Variants in CDRT4 observed in about 807,000 individuals in gnomAD.
The protein encoded by CDRT4 is CMT1A duplicated region transcript 4.
For synonymous variants in CDRT4, 64 were observed against 69.6 expected (o/e 0.92, Z 0.40); for missense variants, 167 against 193.1 (o/e 0.87, Z 0.80).
At chr17:15,445,841 T>C (rs1025288549) in intron 2 of CDRT4, among the ~76,000 whole-genome samples, 3 of 152,212 alleles carry the variant, frequency 2.0e-5, no homozygotes, top group Admixed American at 1.3e-4. Flanking sequence ...CTTTTCTTCC[T>C]GAGCCATCCC....
intron 2 of CDRT4, among the ~76,000 whole-genome samples, chr17:15,451,608 C>A (rs1187127109): frequency 1.3e-5 from 2 of 152,176 alleles, no homozygotes; most frequent in East Asian, 1.9e-4. Flanking sequence ...ACTGGCCTTG[C>A]CTCTCTTCTT....
intron 1 of CDRT4, among the ~76,000 whole-genome samples, chr17:15,462,315 C>T (rs1979789452): frequency 6.6e-6 from 1 of 150,646 alleles, no homozygotes. Flanking sequence ...GTAGTCCCAG[C>T]TACTCGGGAG....
At position 15,450,858 on chromosome 17, in the gene CDRT4, T is replaced by C. The variant is rs1208370393; in HGVS notation, c.-48+2146A>G. Reference sequence around the variant, plus strand: ...TTCATCGAATTGCCCAGTTCAAACATCTAACATCTCTTTCTTCTTCATTCA... The same window carrying C: ...TTCATCGAATTGCCCAGTTCAAACACCTAACATCTCTTTCTTCTTCATTCA... On this transcript the variant is annotated intron_variant, in intron 2 of 3. Coordinates refer to ENST00000619038, the MANE Select transcript of CDRT4 (RefSeq NM_001204477.2). This position sits in a 1 kb window ranked among gnomAD's most constrained non-coding sequence, Gnocchi z 4.2. 6.6e-6 allele frequency among the ~76,000 whole-genome samples: 1 copy of C among 152,146 alleles called. No individual in the cohort carries two copies. The highest frequency in any genetic ancestry group is 1.5e-5 in the Non-Finnish European group (1 of 68,018).
At chr17:15,443,953 C>A in intron 2 of CDRT4, 2 of 679,990 alleles carry the variant, frequency 2.9e-6, no homozygotes, top group South Asian at 1.4e-5. Context: ...GAGAATGGGT[C>A]TCCTGTCGAA....
chr17:15,454,630 G>A (rs963355969), intron 1 of CDRT4, among the ~76,000 whole-genome samples: 2 of 152,176 alleles, frequency 1.3e-5, no homozygotes, highest in African/African-American at 4.8e-5. Context: ...CAGCCCTGGT[G>A]TAGAATGACT....
At chr17:15,453,417 T>C (rs3803841) in intron 1 of CDRT4, among the ~76,000 whole-genome samples, 6,528 of 152,268 alleles carry the variant, frequency 0.043, 334 homozygotes, top group South Asian at 0.24. Context: ...GAAGTTTTTG[T>C]TGAGTCAGAA....
rs533638796 is a variant in CDRT4, at chr17:15,464,944, C to T, written c.-130+2516G>A. ...TGCAAGTGGGTGCAACACACACACA[C>T]ACCAACACACAGACACACACACCAA... On this transcript the variant is annotated intron_variant, in intron 1 of 3. Transcript: ENST00000619038. The surrounding 1 kb of genome is among the most constrained non-coding windows in gnomAD (Gnocchi z 4.5). 2.6e-5 allele frequency among the ~76,000 whole-genome samples: 4 copies of T among 152,118 alleles called. No individual in the cohort carries two copies. In the South Asian group the frequency reaches 6.2e-4, roughly 24 times the overall value.
rs968408750 is a variant in CDRT4, at chr17:15,467,498, T to C, written c.-168A>G. 1.3e-5 allele frequency: 2 copies of C among 152,412 alleles called. No homozygotes were observed. The highest frequency in any genetic ancestry group is 1.3e-4 in the Admixed American group (2 of 15,284). 9.4% of individuals were successfully genotyped at this position (152,412 alleles called of 1,614,324 possible). A position where few individuals can be genotyped will look rare whatever the true frequency, so the allele number is the denominator to read the frequency against. Reference sequence around the variant, plus strand: ...GTGATTCCCCATCCTTCCTGCACTATCTTGGCTGTTCCCCTGCCCGGCGTT... The same window carrying C: ...GTGATTCCCCATCCTTCCTGCACTACCTTGGCTGTTCCCCTGCCCGGCGTT... On this transcript the variant is annotated 5_prime_UTR_variant, in exon 1 of 4. Coordinates refer to ENST00000619038, the MANE Select transcript of CDRT4 (RefSeq NM_001204477.2).
At chr17:15,449,289 T>G (rs1022184536) in intron 2 of CDRT4, among the ~76,000 whole-genome samples, 1 of 152,236 alleles carries the variant, frequency 6.6e-6, no homozygotes, top group Non-Finnish European at 1.5e-5. Context: ...AAAACCCATA[T>G]GCATTAGGTA....
At chr17:15,444,125 A>C (rs1478952308) in intron 2 of CDRT4, 6 of 1,280,642 alleles carry the variant, frequency 4.7e-6, no homozygotes, top group Non-Finnish European at 6.7e-6. Context: ...AAAACAAGGC[A>C]ATCAGGAAAT....
intron 2 of CDRT4, chr17:15,444,161 A>C: frequency 8.2e-7 from 1 of 1,219,178 alleles, no homozygotes; most frequent in Non-Finnish European, 1.2e-6. Flanking sequence ...ATGTCTCTGA[A>C]AAAGGAACTG....
chr17:15,454,787 T>C (rs1043303274), intron 1 of CDRT4, among the ~76,000 whole-genome samples: 2 of 152,150 alleles, frequency 1.3e-5, no homozygotes, highest in Admixed American at 6.5e-5. Flanking sequence ...CACCTTCACC[T>C]CGGTATGTCC....
intron 2 of CDRT4, chr17:15,444,337 A>G: frequency 2.3e-6 from 1 of 442,804 alleles, no homozygotes. Flanking sequence ...AGTGGTCCCC[A>G]AACTTTGCAG....
At position 15,442,593 on chromosome 17, in the gene CDRT4, C is replaced by A. The variant is rs115144233; in HGVS notation, c.-47-2308G>T. 3.9e-3 allele frequency among the ~76,000 whole-genome samples: 589 copies of A among 152,280 alleles called. 2 individuals are homozygous for A. Among genetic ancestry groups the A allele is most frequent in the African/African-American group, 0.014 (572 of 41,556 alleles). ...GAAGCCTCAGGAAAGCCCAGTCTTA[C>A]AAACATTTGTTTCCAGACTTGTGTG... On this transcript the variant is annotated intron_variant, in intron 2 of 3. Transcript: ENST00000619038.
chr17:15,452,363 C>T (rs1478542901), intron 2 of CDRT4: 2 of 152,234 alleles, frequency 1.3e-5, no homozygotes, highest in Admixed American at 6.5e-5. Flanking sequence ...AATTCAAGCA[C>T]ATGGACCCGT....
In CDRT4 at chr17:15,464,406, T is replaced by A. The variant is rs1357603238; in HGVS notation, c.-130+3054A>T. Among the ~76,000 whole-genome samples, 1 of 152,094 alleles carries A rather than the reference T, an allele frequency of 6.6e-6. No individual in the cohort carries two copies. The highest frequency in any genetic ancestry group is 2.4e-5 in the African/African-American group (1 of 41,394). On this transcript the variant is annotated intron_variant, in intron 1 of 3. Transcript: ENST00000619038. This position sits in a 1 kb window ranked among gnomAD's most constrained non-coding sequence, Gnocchi z 4.5. ...AGCACGGGTCCATGAGCATTACATA[T>A]CACCCTCACTGCAGCAGCGGCTGCC...
intron 1 of CDRT4, among the ~76,000 whole-genome samples, chr17:15,460,190 C>T (rs1484330354): frequency 6.6e-6 from 1 of 152,190 alleles, no homozygotes; most frequent in Non-Finnish European, 1.5e-5. Context: ...TCTCTCCCAC[C>T]ACATTCAAAA....
rs763410708 is a variant in CDRT4 at position 15,437,918 on chromosome 17, T to G, written c.314A>C (p.Tyr105Ser). The change falls in exon 4 of 4, where the codon TAT becomes TCT. Residue 105 changes from tyrosine (Y) to serine (S), a missense_variant. Coordinates refer to ENST00000619038, the MANE Select transcript of CDRT4 (RefSeq NM_001204477.2). ...SESTLSMWGA[Y>S]SVLAMAPTMI... ...GGTAGGAGCCATGGCCAATACCGAA[T>G]AAGCGCCCCACATTGATAACGTGGA... The G allele has an allele frequency of 6.2e-7, 1 of 1,614,202 alleles. No homozygotes were observed. Among genetic ancestry groups the G allele is most frequent in the Non-Finnish European group, 8.5e-7 (1 of 1,180,028 alleles).
At chr17:15,454,139 A>T (rs1341944064) in intron 1 of CDRT4, among the ~76,000 whole-genome samples, 1 of 152,180 alleles carries the variant, frequency 6.6e-6, no homozygotes. Context: ...GTCAGAAGAC[A>T]TGCTCAGGGG....
Sources: gnomAD v4.1 joint callset for allele counts (sites outside exome capture counted in the v4.1 genomes callset) on GRCh38, gnomAD v4.1.1 for gene constraint, Gnocchi (gnomAD v3.1) non-coding constraint, MANE v1.5 for transcripts, NCBI Gene and HGNC (gene_info 2026-07-23, HGNC 2026-07-21) for gene names.